The following ZNF783 variants were observed in gnomAD, a reference collection of about 807,000 sequenced individuals.
ZNF783 encodes the protein zinc finger protein 783, also known as protein ZNF783.
A neutral mutation model predicts 31.3 loss-of-function variants in ZNF783; 25 were observed. The observed-to-expected ratio is 0.80, with a 90% CI of 0.58 to 1.11. The LOEUF (loss-of-function observed/expected upper bound fraction) is 1.11, where lower values mean the gene tolerates loss of function less well. ZNF783 is among the 50% of genes most tolerant of loss of function. The pLI is 0.00. For synonymous variants in ZNF783, 369 were observed against 319.1 expected (o/e 1.16, Z -1.66); for missense variants, 797 against 760.0 (o/e 1.05, Z -0.57).
intron 1 of ZNF783, among the ~76,000 whole-genome samples, chr7:149,262,681 C>A (rs1029162682): frequency 2.6e-5 from 4 of 152,186 alleles, no homozygotes; most frequent in Non-Finnish European, 5.9e-5. Flanking sequence ...GCCTCGCGGC[C>A]CCCCCTACAG....
chr7:149,262,596 C>T (rs1020413885), intron 1 of ZNF783, among the ~76,000 whole-genome samples: 13 of 152,208 alleles, frequency 8.5e-5, no homozygotes, highest in South Asian at 2.1e-4. Context: ...CCATCTGCGG[C>T]CTCAGCCAGG....
At chr7:149,270,825 G>A (rs1160161604) in intron 4 of ZNF783, among the ~76,000 whole-genome samples, 1 of 152,226 alleles carries the variant, frequency 6.6e-6, no homozygotes, top group Non-Finnish European at 1.5e-5. Flanking sequence ...AGATTACAAT[G>A]TGAGTGTTAA....
Position 149,281,673 on chromosome 7 carries a change from G to T in ZNF783, c.971G>T (p.Arg324Leu). ...CAGGCCCAGGGCATGCCCAGGGTGC[G>T]GGCAGGGGAGCCACGGCCACCGGGG... ...RHQAQGMPRV[R>L]AGEPRPPGAS... Residue 324 changes from arginine (R) to leucine (L), a missense_variant, in exon 6 of 6, where the codon CGG becomes CTG. Transcript: ENST00000434415. 6.6e-7 allele frequency: 1 copy of T among 1,508,308 alleles called. No individual in the cohort carries two copies. The allele number at this position is 1,508,308 out of a possible 1,614,324, so 93.4% of individuals were successfully genotyped here.
At chr7:149,276,236 T>G in intron 4 of ZNF783, 1 of 655,570 alleles carries the variant, frequency 1.5e-6, no homozygotes, top group Non-Finnish European at 1.9e-6. Context: ...GATTCATATT[T>G]TCACTTAGAC....
chr7:149,272,259 C>T (rs964009182), intron 4 of ZNF783, among the ~76,000 whole-genome samples: 9 of 152,134 alleles, frequency 5.9e-5, no homozygotes, highest in Non-Finnish European at 8.8e-5. Flanking sequence ...AAGTGATCTA[C>T]CCTCCTCAGC....
At chr7:149,276,816 C>T (rs1212669832) in intron 4 of ZNF783, 2 of 160,252 alleles carry the variant, frequency 1.2e-5, no homozygotes, top group Non-Finnish European at 2.6e-5. Context: ...GGACTGCAGT[C>T]ATGTGCCACC....
intron 4 of ZNF783, among the ~76,000 whole-genome samples, chr7:149,268,451 T>C (rs966093456): frequency 6.6e-6 from 1 of 152,226 alleles, no homozygotes; most frequent in African/African-American, 2.4e-5. Context: ...ACTATATAAT[T>C]CACCTGTTAA....
At chr7:149,273,333 C>T (rs1385837142) in intron 4 of ZNF783, among the ~76,000 whole-genome samples, 1 of 152,128 alleles carries the variant, frequency 6.6e-6, no homozygotes, top group African/African-American at 2.4e-5. Flanking sequence ...CCATACTGTT[C>T]TCCATAGTGG....
rs1563201312 is a variant in ZNF783, at chr7:149,284,190, CTTGT to C, written c.*1850_*1853del. 1 of 152,280 alleles carries C rather than the reference CTTGT, an allele frequency of 6.6e-6. No homozygotes were observed. The highest frequency in any genetic ancestry group is 2.4e-5 in the African/African-American group (1 of 41,442). The allele number at this position is 152,280 out of a possible 1,614,324, so 9.4% of individuals were successfully genotyped here. ...CTGGAGTGATGGGACCCCAGCTATC[CTTGT>C]TTTTTACCGCCTTGTCTGGCACTGT... On this transcript the variant is annotated 3_prime_UTR_variant, in exon 6 of 6. Coordinates refer to ENST00000434415, the MANE Select transcript of ZNF783 (RefSeq NM_001195220.2).
At position 149,281,537 on chromosome 7, in the gene ZNF783, T is replaced by C. The variant is rs1797464059; in HGVS notation, c.835T>C (p.Ser279Pro). ...GGVAIKTEAQ[S>P]EDEMTPERLF... is the part of the protein sequence containing the mutation. The stretch of plus-strand genomic sequence containing the variant: ...TGTGGCCATCAAGACAGAGGCACAG[T>C]CTGAAGACGAGATGACGCCTGAGCG... Residue 279 changes from serine to proline, a missense_variant, in exon 6 of 6, where the codon TCT becomes CCT. Transcript: ENST00000434415. 6.8e-7 allele frequency: 1 copy of C among 1,467,098 alleles called. No homozygotes were observed. The highest frequency in any genetic ancestry group is 8.9e-7 in the Non-Finnish European group (1 of 1,120,026). The allele number at this position is 1,467,098 out of a possible 1,614,324, so 90.9% of individuals were successfully genotyped here.
At chr7:149,269,390 G>A (rs916047301) in intron 4 of ZNF783, among the ~76,000 whole-genome samples, 1 of 152,204 alleles carries the variant, frequency 6.6e-6, no homozygotes, top group Non-Finnish European at 1.5e-5. Context: ...TCTGTTGGTA[G>A]TTTCTTTTGC....
At chr7:149,275,761 A>C (rs980883738) in intron 4 of ZNF783, 3 of 152,320 alleles carry the variant, frequency 2.0e-5, no homozygotes, top group Admixed American at 2.0e-4. Context: ...ATTTTTGGAG[A>C]GGCCTAGGAC....
At chr7:149,273,129 C>CT (rs751070816) in intron 4 of ZNF783, among the ~76,000 whole-genome samples, 1 of 138,736 alleles carries the variant, frequency 7.2e-6, no homozygotes. Flanking sequence ...TATGTACCAC[C>CT]TTTTCTCTGT....
Position 149,282,381 on chromosome 7 carries a change from C to G in ZNF783, c.*38C>G. On this transcript the variant is annotated 3_prime_UTR_variant, in exon 6 of 6. Transcript: ENST00000434415. ...CCACAGAGGACCCCTGGCGGGGTCT[C>G]TCCCCTGTGCCTGACGCAGGTTCTT... The G allele has an allele frequency of 7.1e-7, 1 of 1,413,380 alleles. No homozygotes were observed. Among genetic ancestry groups the G allele is most frequent in the Admixed American group, 2.8e-5 (1 of 35,514 alleles). The allele number at this position is 1,413,380 out of a possible 1,614,324, so 87.6% of individuals were successfully genotyped here.
At chr7:149,270,979 G>A (rs1484654028) in intron 4 of ZNF783, among the ~76,000 whole-genome samples, 3 of 152,030 alleles carry the variant, frequency 2.0e-5, no homozygotes, top group Admixed American at 6.5e-5. Flanking sequence ...ACGGAGCCTC[G>A]CTCTGTCGCC....
chr7:149,276,311 G>T (rs1424594350), intron 4 of ZNF783: 3 of 984,698 alleles, frequency 3.0e-6, no homozygotes, highest in Non-Finnish European at 3.6e-6. Flanking sequence ...GATGCTTGGG[G>T]CTGTTTAGTA....
At chr7:149,272,309 A>T (rs980977739) in intron 4 of ZNF783, among the ~76,000 whole-genome samples, 3 of 152,202 alleles carry the variant, frequency 2.0e-5, no homozygotes, top group Non-Finnish European at 4.4e-5. Context: ...CACTGTGCCT[A>T]GCCCCAATGT....
intron 1 of ZNF783, among the ~76,000 whole-genome samples, chr7:149,264,405 C>T (rs940148157): frequency 5.9e-5 from 9 of 152,092 alleles, no homozygotes; most frequent in Non-Finnish European, 1.3e-4. Context: ...CGGGTGGGTC[C>T]TCGGAATCCA....
In ZNF783 at chr7:149,266,349, C is replaced by T. The variant is rs774389875; in HGVS notation, c.39C>T (p.Asp13=). The change falls in exon 2 of 6, where the codon GAC becomes GAT. Residue 13 remains aspartate, a synonymous_variant. Coordinates refer to ENST00000434415, the MANE Select transcript of ZNF783 (RefSeq NM_001195220.2). ...CTTGTGAGCAGGACCCCGAGACAGA[C>T]AAGCACACAGAGGACCAGAGTCCTT... The part of the protein sequence containing the change: ...EAAPARDPET[D]KHTEDQSPST... The T allele has an allele frequency of 6.3e-7, 1 of 1,584,002 alleles. No homozygotes were observed. Among genetic ancestry groups the T allele is most frequent in the Non-Finnish European group, 8.5e-7 (1 of 1,171,920 alleles).
Sources: allele counts gnomAD v4.1 joint callset (sites outside exome capture counted in the v4.1 genomes callset), GRCh38; gene constraint gnomAD v4.1.1; transcripts MANE v1.5; gene names NCBI Gene and HGNC (gene_info 2026-07-23, HGNC 2026-07-21).